DOCK3: variants seen among roughly 807,000 people sequenced by gnomAD.
DOCK3 encodes the protein dedicator of cytokinesis 3.
A neutral mutation model predicts 265.6 loss-of-function variants in DOCK3; 60 were observed. The ratio of observed to expected loss-of-function variants is 0.23; its 90% CI spans 0.18 to 0.28. The LOEUF (loss-of-function observed/expected upper bound fraction) is 0.28. Ranked by LOEUF, DOCK3 falls within the 10% of genes least tolerant of loss-of-function variation. The pLI, the probability that DOCK3 is intolerant of heterozygous loss-of-function variation, is 1.00. For missense variants in DOCK3, 1,981 were observed against 2,594.3 expected (o/e 0.76, Z 5.14); for synonymous variants, 881 against 938.0 (o/e 0.94, Z 1.11).
chr3:51,059,643 C>T lies in DOCK3; in HGVS notation c.316-4805C>T, dbSNP rs544739250. ...TTCTCAAATCTCAAATACCCCTTCC[C>T]ACTCTATTCACTCCCAGCTGATGAT... On this transcript the variant is annotated intron_variant, in intron 5 of 52. Coordinates refer to ENST00000266037, the MANE Select transcript of DOCK3 (RefSeq NM_004947.5). Among the ~76,000 whole-genome samples, 6 of 152,200 alleles carry T rather than the reference C, an allele frequency of 3.9e-5. No homozygotes were observed. In the South Asian group the frequency reaches 6.2e-4, roughly 16 times the overall value.
chr3:51,006,631 T>A (rs1271481341), intron 5 of DOCK3, among the ~76,000 whole-genome samples: 1 of 152,160 alleles, frequency 6.6e-6, no homozygotes, highest in Non-Finnish European at 1.5e-5. Context: ...ATCATTTTTT[T>A]TTATTATTAT....
intron 27 of DOCK3, among the ~76,000 whole-genome samples, chr3:51,309,476 C>T (rs1034564072): frequency 6.6e-6 from 1 of 152,082 alleles, no homozygotes; most frequent in Non-Finnish European, 1.5e-5. Flanking sequence ...CGCAGGCACT[C>T]GGCAGGCTGA....
intron 12 of DOCK3, among the ~76,000 whole-genome samples, chr3:51,196,164 G>A (rs1032821383): frequency 1.3e-5 from 2 of 150,856 alleles, no homozygotes; most frequent in East Asian, 3.9e-4. Flanking sequence ...TCAAACTCCT[G>A]GACTCAAGTA....
intron 2 of DOCK3, among the ~76,000 whole-genome samples, chr3:50,823,539 A>G (rs1208180324): frequency 6.6e-6 from 1 of 152,254 alleles, no homozygotes; most frequent in Non-Finnish European, 1.5e-5. Context: ...AGTACAGAAC[A>G]AAATGAAAAG....
chr3:50,781,267 CTTTT>C (rs34844040), intron 2 of DOCK3, among the ~76,000 whole-genome samples: 5 of 120,486 alleles, frequency 4.1e-5, no homozygotes, highest in Admixed American at 9.2e-5. Flanking sequence ...TATAGTAGTT[CTTTT>C]TTTTTTTTTT....
chr3:51,012,306 G>C (rs2078984322), intron 5 of DOCK3, among the ~76,000 whole-genome samples: 1 of 152,144 alleles, frequency 6.6e-6, no homozygotes. Flanking sequence ...CCCAGTTCGA[G>C]CTTCGAGGCC....
chr3:51,319,899 T>C (rs990723019), intron 32 of DOCK3, among the ~76,000 whole-genome samples: 2 of 151,820 alleles, frequency 1.3e-5, no homozygotes, highest in Non-Finnish European at 2.9e-5. Flanking sequence ...AAAAACGCAA[T>C]AGCTATAATG....
At chr3:51,298,088 T>G (rs2082197127) in intron 27 of DOCK3, among the ~76,000 whole-genome samples, 1 of 152,226 alleles carries the variant, frequency 6.6e-6, no homozygotes, top group Non-Finnish European at 1.5e-5. Context: ...TCCTAGAATT[T>G]TCTTTGTGAA....
intron 5 of DOCK3, among the ~76,000 whole-genome samples, chr3:50,986,788 A>G (rs1215670205): frequency 6.6e-6 from 1 of 152,246 alleles, no homozygotes; most frequent in Non-Finnish European, 1.5e-5. Flanking sequence ...AGAACTCTGT[A>G]TTCCCTCAGT....
intron 2 of DOCK3, among the ~76,000 whole-genome samples, chr3:50,816,617 G>A (rs1164482427): frequency 1.3e-5 from 2 of 151,862 alleles, no homozygotes; most frequent in Admixed American, 6.6e-5. Flanking sequence ...CACTGTGCCC[G>A]GCCTCTCTTA....
intron 3 of DOCK3, among the ~76,000 whole-genome samples, chr3:50,865,060 G>A (rs540283377): frequency 4.6e-5 from 7 of 152,088 alleles, no homozygotes; most frequent in African/African-American, 1.7e-4. Context: ...TAAATGAGAT[G>A]TTTTGATACA....
intron 14 of DOCK3, among the ~76,000 whole-genome samples, chr3:51,223,309 G>C (rs185423187): frequency 9.3e-4 from 142 of 152,056 alleles, no homozygotes; most frequent in African/African-American, 3.3e-3. Flanking sequence ...TCATTTGAAG[G>C]ACATGTTTAT....
chr3:50,807,780 G>T (rs1192121850), intron 2 of DOCK3, among the ~76,000 whole-genome samples: 1 of 152,166 alleles, frequency 6.6e-6, no homozygotes, highest in East Asian at 1.9e-4. Flanking sequence ...ACAAAGTCTT[G>T]CTCTGTTGCC....
At chr3:50,693,783 C>T (rs2035421713) in intron 1 of DOCK3, among the ~76,000 whole-genome samples, 1 of 151,482 alleles carries the variant, frequency 6.6e-6, no homozygotes, top group Non-Finnish European at 1.5e-5. Context: ...GTGATCCTCC[C>T]ACCTTGGCCT....
intron 12 of DOCK3, among the ~76,000 whole-genome samples, chr3:51,193,835 G>A (rs1343410282): frequency 7.7e-6 from 1 of 130,586 alleles, no homozygotes; most frequent in African/African-American, 2.9e-5. Context: ...AGTCTAGCTA[G>A]CAGTTTATCA....
chr3:51,236,559 G>A (rs1007736333), intron 20 of DOCK3, 131 bp downstream of exon 20: 1 of 876,508 alleles, frequency 1.1e-6, no homozygotes, highest in Non-Finnish European at 1.8e-6. Context: ...AGGGACTAAG[G>A]ACTGTCACCC....
chr3:51,058,106 G>A (rs1468681759), intron 5 of DOCK3, among the ~76,000 whole-genome samples: 1 of 152,142 alleles, frequency 6.6e-6, no homozygotes, highest in Admixed American at 6.5e-5. Context: ...GCTGGGCTAG[G>A]TATCCAAGAT....
At chr3:50,963,921 G>A (rs1015458772) in intron 5 of DOCK3, among the ~76,000 whole-genome samples, 1 of 152,168 alleles carries the variant, frequency 6.6e-6, no homozygotes. Context: ...TCTGTAGAAG[G>A]TATCCTCTGT....
At chr3:51,068,117 C>T (rs1202486078) in intron 6 of DOCK3, among the ~76,000 whole-genome samples, 3 of 152,200 alleles carry the variant, frequency 2.0e-5, no homozygotes, top group African/African-American at 7.2e-5. Context: ...CTTACACAGA[C>T]ATTATAGCTC....
Sources: gnomAD v4.1 joint callset for allele counts (sites outside exome capture counted in the v4.1 genomes callset) on GRCh38, gnomAD v4.1.1 for gene constraint, MANE v1.5 for transcripts, NCBI Gene and HGNC (gene_info 2026-07-23, HGNC 2026-07-21) for gene names.